Variants in PLCH1 observed in about 807,000 individuals in gnomAD.
PLCH1 encodes the protein phospholipase C eta 1.
In PLCH1, 60 loss-of-function variants were observed where a neutral mutation model predicts 126.7. The ratio of observed to expected loss-of-function variants is 0.47; its 90% CI spans 0.38 to 0.59. The LOEUF (loss-of-function observed/expected upper bound fraction) is 0.59, where lower values mean the gene tolerates loss of function less well. Ranked by LOEUF, PLCH1 falls within the 20% of genes least tolerant of loss-of-function variation. The pLI is 0.00. For missense variants in PLCH1, 1,723 were observed against 2,040.0 expected (o/e 0.84, Z 2.99); for synonymous variants, 719 against 734.9 (o/e 0.98, Z 0.35).
chr3:155,666,326 T>C lies in PLCH1; in HGVS notation c.79+37820A>G, dbSNP rs942883843. Reference sequence around the variant, plus strand: ...TTTTTTCCTTTTAATTCTTTGGCAATCTGGTAAGGCAAAAACATATATATC... The same window carrying C: ...TTTTTTCCTTTTAATTCTTTGGCAACCTGGTAAGGCAAAAACATATATATC... On this transcript the variant is annotated intron_variant, in intron 2 of 22. Coordinates refer to ENST00000460012, the MANE Select transcript of PLCH1 (RefSeq NM_014996.4). Among the ~76,000 whole-genome samples the C allele has an allele frequency of 2.0e-5, 3 of 152,320 alleles. No homozygotes were observed. In the South Asian group the frequency reaches 6.2e-4, roughly 32 times the overall value.
chr3:155,505,494 T>A (rs1483510276), intron 12 of PLCH1, among the ~76,000 whole-genome samples: 2 of 152,086 alleles, frequency 1.3e-5, no homozygotes, highest in Non-Finnish European at 2.9e-5. Flanking sequence ...GGTAACCACA[T>A]AAATGGAATA....
Position 155,458,503 on chromosome 3 carries a change from A to G in PLCH1, c.2938+26853T>C, listed in dbSNP as rs867806137. Among the ~76,000 whole-genome samples the G allele has an allele frequency of 6.3e-4, 75 of 118,422 alleles. 6 individuals are homozygous for G. Among genetic ancestry groups the G allele is most frequent in the African/African-American group, 3.7e-3 (72 of 19,308 alleles). 77.7% of individuals were successfully genotyped at this position (118,422 alleles called of 152,430 possible). ...GAAAGAAAGAAAGAAAGAAAGAGAA[A>G]GAAGAGAGAGAAATAAGAAAGAGAA... On this transcript the variant is annotated intron_variant, in intron 21 of 21. Transcript: ENST00000494598.
At chr3:155,458,495 AAAGAGAAAG>A (rs1560027409) in intron 21 of PLCH1, among the ~76,000 whole-genome samples, 4 of 101,558 alleles carry the variant, frequency 3.9e-5, no homozygotes, top group Non-Finnish European at 6.8e-5. Flanking sequence ...AGAAAGAAAG[AAAGAGAAAG>A]AAGAGAGAGA....
chr3:155,677,221 C>T (rs1744167153), intron 2 of PLCH1, among the ~76,000 whole-genome samples: 1 of 152,186 alleles, frequency 6.6e-6, no homozygotes, highest in Non-Finnish European at 1.5e-5. Flanking sequence ...CTGCATATAC[C>T]AGTGTCAGGC....
intron 1 of PLCH1, among the ~76,000 whole-genome samples, chr3:155,713,385 G>T (rs1439583486): frequency 6.6e-6 from 1 of 152,176 alleles, no homozygotes; most frequent in African/African-American, 2.4e-5. Flanking sequence ...TCACTCCTTT[G>T]GGTATAAGAT....
Position 155,621,473 on chromosome 3 carries a change from G to A in PLCH1, c.80-25095C>T, listed in dbSNP as rs193016819. 6.4e-4 allele frequency among the ~76,000 whole-genome samples: 97 copies of A among 152,222 alleles called. 1 individual carries two copies. The highest frequency in any genetic ancestry group is 2.2e-3 in the African/African-American group (91 of 41,534). On this transcript the variant is annotated intron_variant, in intron 2 of 22. Coordinates refer to ENST00000460012, the MANE Select transcript of PLCH1 (RefSeq NM_014996.4). ...AATAACAAACCCCTCCAAGCTAAAG[G>A]AGCATGTTCTAAATCAATGCAAGGA...
chr3:155,465,108 C>CA (rs150847303), intron 21 of PLCH1, among the ~76,000 whole-genome samples: 8,422 of 65,582 alleles, frequency 0.13, 643 homozygotes, highest in African/African-American at 0.27. Flanking sequence ...GACTCTGTCT[C>CA]AAAAAAAAAA....
At chr3:155,644,883 T>C (rs987771168) in intron 2 of PLCH1, among the ~76,000 whole-genome samples, 1 of 152,196 alleles carries the variant, frequency 6.6e-6, no homozygotes, top group Non-Finnish European at 1.5e-5. Flanking sequence ...ATTCAGCCAG[T>C]AGAACTCCTG....
chr3:155,556,973 C>T (rs1033695247), intron 8 of PLCH1, among the ~76,000 whole-genome samples: 8 of 152,102 alleles, frequency 5.3e-5, no homozygotes, highest in Non-Finnish European at 1.2e-4. Flanking sequence ...TCAAATATCC[C>T]TATGGGAAAA....
intron 12 of PLCH1, among the ~76,000 whole-genome samples, chr3:155,512,194 C>T (rs766877630): frequency 2.6e-5 from 4 of 152,068 alleles, no homozygotes; most frequent in Non-Finnish European, 5.9e-5. Context: ...GAGGCAATGC[C>T]TCGCCCTCCC....
intron 2 of PLCH1, among the ~76,000 whole-genome samples, chr3:155,637,786 A>G (rs1519535): frequency 0.28 from 42,920 of 152,098 alleles, 6,504 homozygotes; most frequent in East Asian, 0.44. Flanking sequence ...TAGTATGTTT[A>G]CTCAGTGGAT....
At chr3:155,603,352 G>C (rs1733977598) in intron 2 of PLCH1, among the ~76,000 whole-genome samples, 2 of 151,544 alleles carry the variant, frequency 1.3e-5, no homozygotes, top group South Asian at 4.2e-4. Flanking sequence ...AGTAAGGAAA[G>C]GGAGATTTCC....
At chr3:155,648,179 A>G (rs1384993160) in intron 2 of PLCH1, among the ~76,000 whole-genome samples, 1 of 152,240 alleles carries the variant, frequency 6.6e-6, no homozygotes, top group African/African-American at 2.4e-5. Flanking sequence ...GTCAGAGCTC[A>G]GGAATTTAAA....
At chr3:155,719,304 T>C (rs1365349000) in intron 1 of PLCH1, among the ~76,000 whole-genome samples, 1 of 151,958 alleles carries the variant, frequency 6.6e-6, no homozygotes, top group Non-Finnish European at 1.5e-5. Context: ...CTTAGAATAA[T>C]GTTCTCCACA....
intron 2 of PLCH1, among the ~76,000 whole-genome samples, chr3:155,655,648 T>C (rs1056030008): frequency 1.4e-4 from 22 of 152,172 alleles, no homozygotes; most frequent in South Asian, 2.1e-4. Context: ...CAAACTTCCA[T>C]GTACATATAA....
At chr3:155,624,071 C>T (rs1736903019) in intron 2 of PLCH1, among the ~76,000 whole-genome samples, 2 of 152,282 alleles carry the variant, frequency 1.3e-5, no homozygotes, top group South Asian at 4.2e-4. Flanking sequence ...ACAGCTTCAT[C>T]CCTGGGATGC....
chr3:155,666,893 G>GGTGTGTGT (rs3220185), intron 2 of PLCH1, among the ~76,000 whole-genome samples: 5 of 148,652 alleles, frequency 3.4e-5, no homozygotes, highest in Admixed American at 3.4e-4. Context: ...ACACAGATGA[G>GGTGTGTGT]GTGTGTGTGT....
rs775794491 is a variant in PLCH1 at position 155,524,168 on chromosome 3, T to A, written c.1363-164A>T. On this transcript the variant is annotated intron_variant, in intron 10 of 22. Coordinates refer to ENST00000460012, the MANE Select transcript of PLCH1 (RefSeq NM_014996.4). ...AAGAAGAAGGAAATTCTGATACATATTACAAAATGAAGGAACCTTGAAGGT... is the reference window on the plus strand; with the variant it reads ...AAGAAGAAGGAAATTCTGATACATAATACAAAATGAAGGAACCTTGAAGGT... 3.2e-4 allele frequency among the ~76,000 whole-genome samples: 49 copies of A among 152,166 alleles called. No homozygotes were observed. Among genetic ancestry groups the A allele is most frequent in the Non-Finnish European group, 5.7e-4 (39 of 68,030 alleles).
At chr3:155,546,261 C>A in intron 10 of PLCH1, among the ~76,000 whole-genome samples, 1 of 152,052 alleles carries the variant, frequency 6.6e-6, no homozygotes, top group South Asian at 2.1e-4. Flanking sequence ...AACAGAGAGC[C>A]AAATCATGAG....
Sources: gnomAD v4.1 joint callset for allele counts (sites outside exome capture counted in the v4.1 genomes callset) on GRCh38, gnomAD v4.1.1 for gene constraint, MANE v1.5 for transcripts, NCBI Gene and HGNC (gene_info 2026-07-23, HGNC 2026-07-21) for gene names.